DAB1: variants seen among roughly 807,000 people sequenced by gnomAD.
The protein encoded by DAB1 is disabled homolog 1.
DAB1 carries 15 observed loss-of-function variants against 64.6 expected under a neutral mutation model. The ratio of observed to expected loss-of-function variants is 0.23; its 90% CI spans 0.16 to 0.36. The LOEUF is 0.36. DAB1 is among the 10% of genes least tolerant of loss of function. The pLI is 1.00. For synonymous variants in DAB1, 235 were observed against 251.9 expected, an observed-to-expected ratio of 0.93 and a Z score of 0.64; for missense variants, 596 against 706.7, an observed-to-expected ratio of 0.84 and a Z score of 1.78.
At chr1:57,532,532 C>A (rs749059572) in intron 7 of DAB1, among the ~76,000 whole-genome samples, 7 of 152,286 alleles carry the variant, frequency 4.6e-5, no homozygotes, top group Middle Eastern at 3.4e-3. Context: ...TGTGACTGGT[C>A]CAAAGCAAAG....
chr1:58,376,052 G>A (rs1369663738), intron 3 of DAB1, among the ~76,000 whole-genome samples: 1 of 151,636 alleles, frequency 6.6e-6, no homozygotes, highest in Non-Finnish European at 1.5e-5. Flanking sequence ...TTTTTATTGT[G>A]TCTATTTGAT....
intron 9 of DAB1, among the ~76,000 whole-genome samples, chr1:57,057,217 G>A (rs147876333): frequency 5.0e-4 from 76 of 152,058 alleles, no homozygotes; most frequent in African/African-American, 1.8e-3. Context: ...AAAATAATGG[G>A]GTCACAGAAG....
chr1:58,521,298 G>C (rs12030713), intron 2 of DAB1, among the ~76,000 whole-genome samples: 96,517 of 151,206 alleles, frequency 0.64, 32,413 homozygotes, highest in East Asian at 0.82. Flanking sequence ...GCTCTCAGAG[G>C]AAAATGTACG....
At chr1:58,094,046 G>A (rs78151186) in intron 5 of DAB1, among the ~76,000 whole-genome samples, 323 of 152,204 alleles carry the variant, frequency 2.1e-3, no homozygotes, top group African/African-American at 7.5e-3. Context: ...ATTACTCCCC[G>A]GTCTCTACCT....
intron 5 of DAB1, among the ~76,000 whole-genome samples, chr1:58,096,059 C>T (rs1007005660): frequency 2.6e-5 from 4 of 152,156 alleles, no homozygotes; most frequent in Non-Finnish European, 1.5e-5. Context: ...ACCCTTCTCT[C>T]GTTAGAAAAT....
chr1:58,144,250 T>C (rs1654466145), intron 5 of DAB1, among the ~76,000 whole-genome samples: 1 of 152,202 alleles, frequency 6.6e-6, no homozygotes, highest in Non-Finnish European at 1.5e-5. Context: ...TAGGAGGAGT[T>C]CATATAATAT....
At chr1:57,745,185 G>GA (rs1462598736) in intron 6 of DAB1, among the ~76,000 whole-genome samples, 1 of 152,088 alleles carries the variant, frequency 6.6e-6, no homozygotes, top group East Asian at 1.9e-4. Context: ...ACTCGTGGCA[G>GA]GGAGATTTGG....
At chr1:58,082,923 G>A (rs1650087378) in intron 5 of DAB1, among the ~76,000 whole-genome samples, 1 of 152,106 alleles carries the variant, frequency 6.6e-6, no homozygotes, top group African/African-American at 2.4e-5. Context: ...TGACTTTCAA[G>A]GGGTTTGAAA....
At chr1:58,176,496 A>C (rs923081084) in intron 4 of DAB1, among the ~76,000 whole-genome samples, 1 of 152,162 alleles carries the variant, frequency 6.6e-6, no homozygotes, top group Non-Finnish European at 1.5e-5. Flanking sequence ...AATGAACGGA[A>C]ATTCATTGGC....
At chr1:57,111,585 G>A (rs1259091346) in intron 4 of DAB1, among the ~76,000 whole-genome samples, 2 of 152,098 alleles carry the variant, frequency 1.3e-5, no homozygotes, top group Non-Finnish European at 2.9e-5. Context: ...CAGCTTAAGT[G>A]TCCCCTTATC....
chr1:57,069,988 CTTCA>C (rs1651295380), intron 7 of DAB1, among the ~76,000 whole-genome samples: 1 of 152,200 alleles, frequency 6.6e-6, no homozygotes, highest in Non-Finnish European at 1.5e-5. Context: ...GGCTATTATT[CTTCA>C]TTCTGTGCAA....
At chr1:58,113,107 T>C (rs1342393626) in intron 5 of DAB1, among the ~76,000 whole-genome samples, 1 of 151,462 alleles carries the variant, frequency 6.6e-6, no homozygotes, top group African/African-American at 2.4e-5. Flanking sequence ...AGCAGAAGGG[T>C]GAGGGCTGCA....
chr1:57,289,209 G>A (rs1462728411), intron 2 of DAB1, among the ~76,000 whole-genome samples: 1 of 152,178 alleles, frequency 6.6e-6, no homozygotes, highest in African/African-American at 2.4e-5. Flanking sequence ...AATCCTCTCT[G>A]CAGAATACTT....
At chr1:58,026,276 A>C (rs1646893862) in intron 5 of DAB1, among the ~76,000 whole-genome samples, 1 of 152,240 alleles carries the variant, frequency 6.6e-6, no homozygotes, top group Non-Finnish European at 1.5e-5. Flanking sequence ...TATCGCAAGA[A>C]GGCATAGAGT....
At chr1:58,237,730 C>G (rs1275197557) in intron 4 of DAB1, among the ~76,000 whole-genome samples, 1 of 152,086 alleles carries the variant, frequency 6.6e-6, no homozygotes, top group Non-Finnish European at 1.5e-5. Context: ...ATTTTCATTC[C>G]TCTTCTGCAG....
chr1:57,123,323 C>T (rs963722937), intron 4 of DAB1, among the ~76,000 whole-genome samples: 1 of 152,104 alleles, frequency 6.6e-6, no homozygotes. Context: ...AGCCAAAGGA[C>T]CATTAGTCTC....
chr1:57,646,304 C>T (rs944379276), intron 7 of DAB1, among the ~76,000 whole-genome samples: 3 of 152,176 alleles, frequency 2.0e-5, no homozygotes, highest in South Asian at 2.1e-4. Context: ...GCTTTAGCAA[C>T]TATTCAGAAT....
intron 5 of DAB1, among the ~76,000 whole-genome samples, chr1:58,010,365 A>G (rs1272895221): frequency 6.6e-6 from 1 of 152,186 alleles, no homozygotes; most frequent in Non-Finnish European, 1.5e-5. Context: ...AATTCCAAGA[A>G]TTCTCAGAGC....
At chr1:58,529,711 T>A (rs1172121755) in intron 1 of DAB1, among the ~76,000 whole-genome samples, 1 of 152,118 alleles carries the variant, frequency 6.6e-6, no homozygotes, top group East Asian at 1.9e-4. Context: ...TTCAACCAAT[T>A]TGGATAGAAA....
Sources: allele counts gnomAD v4.1 joint callset (sites outside exome capture counted in the v4.1 genomes callset), GRCh38; gene constraint gnomAD v4.1.1; transcripts MANE v1.5; gene names NCBI Gene and HGNC (gene_info 2026-07-23, HGNC 2026-07-21).